Variants in ARMC2 observed in about 807,000 individuals in gnomAD.
ARMC2 encodes the protein armadillo repeat containing 2.
Under a neutral mutation model 90.3 loss-of-function variants are expected in ARMC2, and 67 were observed. The observed-to-expected ratio is 0.74, with a 90% CI of 0.61 to 0.91. ARMC2 has a LOEUF of 0.91. Ranked by LOEUF, ARMC2 falls within the 40% of genes least tolerant of loss-of-function variation. The probability of loss-of-function intolerance (pLI) is 0.00; values close to 1 mark genes in which losing one functional copy is unlikely to be tolerated. For synonymous variants in ARMC2, 393 were observed against 393.0 expected (o/e 1.00, Z 0.00); for missense variants, 920 against 1,030.9 (o/e 0.89, Z 1.47).
chr6:108,961,253 C>T (rs1012232158), intron 13 of ARMC2, among the ~76,000 whole-genome samples: 5 of 152,166 alleles, frequency 3.3e-5, no homozygotes, highest in African/African-American at 9.7e-5. Flanking sequence ...GAGATGGCTC[C>T]GCTCACTGCC....
rs534243412 is a variant in ARMC2, at chr6:108,914,511, C to G, written c.1350+1953C>G. 1.4e-4 allele frequency among the ~76,000 whole-genome samples: 22 copies of G among 152,208 alleles called. 1 individual carries two copies. Among genetic ancestry groups the G allele is most frequent in the African/African-American group, 5.1e-4 (21 of 41,540 alleles). On this transcript the variant is annotated intron_variant, in intron 10 of 17. Transcript: ENST00000392644. ...TTGTCTCCAAAGCCTTTCTTGGAAC[C>G]AGCCTAAGGCCTGGCATGGGTGACC... is the stretch of plus-strand genomic sequence containing the variant.
intron 4 of ARMC2, among the ~76,000 whole-genome samples, chr6:108,872,189 G>A: frequency 6.6e-6 from 1 of 152,172 alleles, no homozygotes; most frequent in East Asian, 1.9e-4. Context: ...GCCGGGGTGT[G>A]GTGGCAGGTT....
At chr6:108,974,840 C>T (rs1032274041), downstream of ARMC2, among the ~76,000 whole-genome samples, 16 of 151,928 alleles carry the variant, frequency 1.1e-4, no homozygotes, top group African/African-American at 3.4e-4. Flanking sequence ...TCTGGGAGGC[C>T]GAGGCGGGCA....
At chr6:109,043,528 C>T in the ARMC2 span, among the ~76,000 whole-genome samples, 8 of 152,140 alleles carry the variant, frequency 5.3e-5, no homozygotes, top group South Asian at 4.1e-4. Flanking sequence ...GAGCAGGTTG[C>T]AGGATACAAA....
At chr6:109,011,143 T>C in the ARMC2 span, among the ~76,000 whole-genome samples, 1 of 152,224 alleles carries the variant, frequency 6.6e-6, no homozygotes, top group African/African-American at 2.4e-5. Flanking sequence ...TATCTTTCCA[T>C]TTTCTAATGA....
In ARMC2 at chr6:108,967,052, T is replaced by C. The variant is rs183043413; in HGVS notation, c.2446+1912T>C. ...CGTGGGCGTCATGAGCTCCGCCCCC[T>C]GGGCTCTGCCATTCTGGAGACCCAG... On this transcript the variant is annotated intron_variant, in intron 17 of 17. Transcript: ENST00000392644. 4.3e-3 allele frequency among the ~76,000 whole-genome samples: 651 copies of C among 152,350 alleles called. 5 individuals carry two copies. Among genetic ancestry groups the C allele is most frequent in the African/African-American group, 0.014 (602 of 41,586 alleles).
the ARMC2 span, among the ~76,000 whole-genome samples, chr6:109,050,000 A>T: frequency 2.0e-5 from 3 of 152,230 alleles, no homozygotes; most frequent in African/African-American, 7.2e-5. Flanking sequence ...GTAAAATACA[A>T]CAAAGGAAAG....
chr6:108,879,935 T>G, intron 5 of ARMC2: 1 of 470,796 alleles, frequency 2.1e-6, no homozygotes, highest in Non-Finnish European at 4.4e-6. Flanking sequence ...TAGCCCTCAC[T>G]GTAGATTGTG....
intron 12 of ARMC2, among the ~76,000 whole-genome samples, chr6:108,937,718 C>CG (rs1369526642): frequency 6.6e-6 from 1 of 151,702 alleles, no homozygotes; most frequent in African/African-American, 2.4e-5. Flanking sequence ...TTTTTTGAGA[C>CG]GAGTCTCACT....
At chr6:108,857,743 G>A (rs1274859197) in intron 2 of ARMC2, among the ~76,000 whole-genome samples, 2 of 150,946 alleles carry the variant, frequency 1.3e-5, no homozygotes, top group Admixed American at 1.3e-4. Context: ...CTGCTGATAT[G>A]TATTCTCTTT....
At chr6:108,866,691 G>A (rs895211656) in intron 3 of ARMC2, among the ~76,000 whole-genome samples, 2 of 152,202 alleles carry the variant, frequency 1.3e-5, no homozygotes, top group Non-Finnish European at 2.9e-5. Context: ...TAACTAGTGA[G>A]TGGGTCCTTC....
the ARMC2 span, among the ~76,000 whole-genome samples, chr6:108,979,568 T>C: frequency 6.6e-6 from 1 of 152,104 alleles, no homozygotes; most frequent in Non-Finnish European, 1.5e-5. Context: ...GTTCTCCTGG[T>C]TAATATCCTG....
At chr6:108,856,402 T>G in intron 2 of ARMC2, 1 of 188,008 alleles carries the variant, frequency 5.3e-6, no homozygotes, top group Non-Finnish European at 1.2e-5. Context: ...TTGAGACTTT[T>G]CCCATAGTCC....
At chr6:108,892,505 A>G (rs1771171407) in intron 5 of ARMC2, among the ~76,000 whole-genome samples, 1 of 152,076 alleles carries the variant, frequency 6.6e-6, no homozygotes, top group African/African-American at 2.4e-5. Flanking sequence ...CACACCTGTT[A>G]TCCCAGCATT....
chr6:109,015,171 T>C, the ARMC2 span, among the ~76,000 whole-genome samples: 1 of 152,170 alleles, frequency 6.6e-6, no homozygotes, highest in Non-Finnish European at 1.5e-5. Context: ...CCTGCCTGTT[T>C]ATAGGCAGGC....
At chr6:108,849,597 T>A (rs1773800796) in intron 1 of ARMC2, among the ~76,000 whole-genome samples, 1 of 152,262 alleles carries the variant, frequency 6.6e-6, no homozygotes, top group Admixed American at 6.5e-5. Context: ...TTTCTTTTTT[T>A]AAATGTAGTT....
chr6:108,969,234 T>G (rs1457495924), intron 17 of ARMC2, among the ~76,000 whole-genome samples: 1 of 152,202 alleles, frequency 6.6e-6, no homozygotes, highest in Non-Finnish European at 1.5e-5. Flanking sequence ...TCTAGAACAT[T>G]CGACAACTTT....
chr6:109,014,718 C>T, the ARMC2 span, among the ~76,000 whole-genome samples: 1 of 152,086 alleles, frequency 6.6e-6, no homozygotes, highest in Non-Finnish European at 1.5e-5. Flanking sequence ...TCTGTCACTC[C>T]TCTCAGTGTC....
Position 108,904,376 on chromosome 6 carries a change from A to T in ARMC2, c.994A>T (p.Ser332Cys). The change falls in exon 8 of 18, where the codon AGC (serine) becomes TGC (cysteine). Residue 332 changes from serine (S) to cysteine (C), a missense_variant. By Grantham distance (112) the Ser-to-Cys change is moderately radical. Transcript: ENST00000392644. ...KLVDVGSDSLSLKLAKIILAL... is the reference protein window; with the variant it reads ...KLVDVGSDSLCLKLAKIILAL... ...AGTTGATGTTGGTTCAGACTCGCTCAGCCTTAAACTTGCAAAAATAATTCT... is the reference window on the plus strand; with the variant it reads ...AGTTGATGTTGGTTCAGACTCGCTCTGCCTTAAACTTGCAAAAATAATTCT... The T allele has an allele frequency of 1.2e-6, 2 of 1,608,176 alleles. No homozygotes were observed. The highest frequency in any genetic ancestry group is 1.7e-6 in the Non-Finnish European group (2 of 1,178,330).
Sources: gnomAD v4.1 joint callset for allele counts (sites outside exome capture counted in the v4.1 genomes callset) on GRCh38, gnomAD v4.1.1 for gene constraint, MANE v1.5 for transcripts, NCBI Gene and HGNC (gene_info 2026-07-23, HGNC 2026-07-21) for gene names.